The following MED13 variants were observed in gnomAD, a reference collection of about 807,000 sequenced individuals.
MED13 encodes the protein mediator complex subunit 13, also known as mediator of RNA polymerase II transcription subunit 13.
MED13 carries 23 observed loss-of-function variants against 225.2 expected under a neutral mutation model. The observed-to-expected ratio is 0.10, with a 90% CI of 0.07 to 0.14. The LOEUF (loss-of-function observed/expected upper bound fraction) is 0.14. Ranked by LOEUF, MED13 falls within the 10% of genes least tolerant of loss-of-function variation. The pLI is 1.00. For synonymous variants in MED13, 942 were observed against 889.2 expected, an observed-to-expected ratio of 1.06 and a Z score of -1.06; for missense variants, 2,197 against 2,594.5, an observed-to-expected ratio of 0.85 and a Z score of 3.33.
intron 9 of MED13, among the ~76,000 whole-genome samples, chr17:62,000,791 C>T (rs1427178022): frequency 1.3e-5 from 2 of 152,096 alleles, no homozygotes; most frequent in Non-Finnish European, 2.9e-5. Flanking sequence ...GAGATGGAGT[C>T]TTGCTCTGTT....
Position 61,995,265 on chromosome 17 carries a change from C to T in MED13, c.2068G>A (p.Glu690Lys). 6.2e-7 allele frequency: 1 copy of T among 1,613,640 alleles called. No homozygotes were observed. Among genetic ancestry groups the T allele is most frequent in the Non-Finnish European group, 8.5e-7 (1 of 1,179,782 alleles). The change falls in exon 10 of 30, where the codon GAA becomes AAA. Residue 690 changes from glutamate to lysine, a missense_variant. This residue lies in a region of MED13 where 884 missense variants were observed against 918.5 expected (regional missense o/e 0.96). Transcript: ENST00000397786. ...QCLSAIASDA[E>K]QEPKIDPYAF... ...TATGGATCAATTTTAGGTTCTTGTT[C>T]TGCATCAGATGCTATTGCTGAAAGA...
rs759373231 is a variant in MED13, at chr17:62,011,057, C to G, written c.1460G>C (p.Gly487Ala). The change falls in exon 9 of 30, where the codon GGC becomes GCC. Residue 487 changes from glycine (G) to alanine (A), a missense_variant. Physicochemically the swap from Gly to Ala is moderately conservative, Grantham distance 60 (BLOSUM62 0). Coordinates refer to ENST00000397786, the MANE Select transcript of MED13 (RefSeq NM_005121.3). ...HHRVSVSDDV[G>A]MDADSASQRL... ...TTGGCTGGCTGAATCTGCGTCCATG[C>G]CAACATCATCACTAACAGACACACG... is the stretch of plus-strand genomic sequence containing the variant. 6.2e-6 allele frequency: 10 copies of G among 1,614,074 alleles called. No individual in the cohort carries two copies. The Admixed American group carries it at 8.3e-5, about 13-fold the overall frequency.
chr17:62,029,277 C>G, intron 8 of MED13: 1 of 474,564 alleles, frequency 2.1e-6, no homozygotes, highest in Admixed American at 3.7e-5. Context: ...TACCATAGCT[C>G]CATATAAAAT....
intron 1 of MED13, 91 bp downstream of exon 1, chr17:62,065,049 G>A (rs1391000265): frequency 7.2e-5 from 84 of 1,170,906 alleles, no homozygotes; most frequent in Non-Finnish European, 7.9e-5. Flanking sequence ...GGGAACTCGG[G>A]CATCTGGACC....
At chr17:62,007,102 G>C (rs1433672770) in intron 9 of MED13, 4 of 151,832 alleles carry the variant, frequency 2.6e-5, no homozygotes, top group African/African-American at 7.3e-5. Flanking sequence ...TCAGACAGGC[G>C]TGGTGGCACG....
intron 16 of MED13, among the ~76,000 whole-genome samples, chr17:61,981,259 T>C (rs1183044524): frequency 6.6e-6 from 1 of 151,996 alleles, no homozygotes; most frequent in Non-Finnish European, 1.5e-5. Flanking sequence ...TGACCTCAGG[T>C]GACCTGCCTA....
At chr17:61,976,350 G>A (rs904926024) in intron 16 of MED13, among the ~76,000 whole-genome samples, 2 of 152,170 alleles carry the variant, frequency 1.3e-5, no homozygotes, top group African/African-American at 2.4e-5. Context: ...ATCCAAAAGC[G>A]GCAAATCTAG....
intron 14 of MED13, 92 bp from the exon 15 acceptor site, chr17:61,984,459 T>G: frequency 1.9e-6 from 2 of 1,048,006 alleles, no homozygotes; most frequent in African/African-American, 1.6e-5. Context: ...TTTCCTTTCT[T>G]TAAACAGAAT....
At chr17:61,968,318 T>C in intron 17 of MED13, 60 bp from the exon 18 acceptor site, 1 of 1,073,324 alleles carries the variant, frequency 9.3e-7, no homozygotes, top group African/African-American at 1.6e-5. Context: ...CTCCTTTTTA[T>C]TTATTTATTT....
At chr17:62,019,502 T>C (rs2080616666) in intron 8 of MED13, among the ~76,000 whole-genome samples, 1 of 152,188 alleles carries the variant, frequency 6.6e-6, no homozygotes, top group Non-Finnish European at 1.5e-5. Context: ...GTAGGAGAAA[T>C]AGGATCTCCA....
At chr17:61,968,961 A>C (rs919620581) in intron 17 of MED13, among the ~76,000 whole-genome samples, 5 of 151,868 alleles carry the variant, frequency 3.3e-5, no homozygotes, top group Non-Finnish European at 7.4e-5. Flanking sequence ...TGTGTTGCCC[A>C]GGGTGGACTC....
intron 8 of MED13, among the ~76,000 whole-genome samples, chr17:62,023,098 G>C (rs1463410068): frequency 6.6e-6 from 1 of 152,204 alleles, no homozygotes; most frequent in African/African-American, 2.4e-5. Context: ...CTTCTAGGGA[G>C]AGTGAGTAGG....
At chr17:61,957,584 G>A (rs899701117) in intron 23 of MED13, among the ~76,000 whole-genome samples, 7 of 152,004 alleles carry the variant, frequency 4.6e-5, no homozygotes, top group South Asian at 2.1e-4. Flanking sequence ...TCCTGACCTC[G>A]TGATCCGCCC....
At chr17:62,021,798 C>T (rs542498747) in intron 8 of MED13, among the ~76,000 whole-genome samples, 2 of 152,206 alleles carry the variant, frequency 1.3e-5, no homozygotes, top group East Asian at 3.9e-4. Context: ...AGCCCTCTCG[C>T]CTACAACTCT....
intron 20 of MED13, among the ~76,000 whole-genome samples, chr17:61,963,202 C>CAAATAAAAA (rs2080019848): frequency 1.8e-5 from 1 of 55,772 alleles, no homozygotes; most frequent in African/African-American, 7.3e-5. Flanking sequence ...TTAAATTTAC[C>CAAATAAAAA]AAAAAAAAAA....
intron 5 of MED13, among the ~76,000 whole-genome samples, chr17:62,033,360 TA>T: frequency 6.6e-6 from 1 of 152,136 alleles, no homozygotes; most frequent in Non-Finnish European, 1.5e-5. Flanking sequence ...CATTCACAAT[TA>T]ACTGTCCCAT....
chr17:62,055,894 T>C (rs1260135342), intron 2 of MED13, among the ~76,000 whole-genome samples: 1 of 152,186 alleles, frequency 6.6e-6, no homozygotes, highest in Non-Finnish European at 1.5e-5. Context: ...TCCCTCATTA[T>C]TCTAATGCTT....
At chr17:61,996,424 A>G (rs775787497) in intron 9 of MED13, among the ~76,000 whole-genome samples, 1 of 152,142 alleles carries the variant, frequency 6.6e-6, no homozygotes, top group Non-Finnish European at 1.5e-5. Flanking sequence ...TCACTCTGAG[A>G]AAAAAACCAA....
rs559870369 is a variant in MED13, at chr17:61,984,022, C to T, written c.2888+149G>A. On this transcript the variant is annotated intron_variant, in intron 15 of 29. Transcript: ENST00000397786. ...GAATTACAGGCGTGATTCACTGCTC[C>T]CAGCCAATCACTATAATTGATTAAC... is the stretch of plus-strand genomic sequence containing the variant. The T allele has an allele frequency of 5.4e-4, 296 of 552,730 alleles. 4 individuals are homozygous for T. The South Asian group carries it at 0.013, about 24-fold the overall frequency. 34.2% of individuals were successfully genotyped at this position (552,730 alleles called of 1,614,324 possible). A position where few individuals can be genotyped will look rare whatever the true frequency, so the allele number is the denominator to read the frequency against.
Sources: gnomAD v4.1 joint callset for allele counts (sites outside exome capture counted in the v4.1 genomes callset) on GRCh38, gnomAD v4.1.1 for gene constraint, gnomAD v4.1.1 regional missense constraint, MANE v1.5 for transcripts, NCBI Gene and HGNC (gene_info 2026-07-23, HGNC 2026-07-21) for gene names.